IQCH: variants seen among roughly 807,000 people sequenced by gnomAD.
The protein encoded by IQCH is IQ domain-containing protein H.
In IQCH, 98 loss-of-function variants were observed where a neutral mutation model predicts 117.0. That is an observed-to-expected ratio of 0.84 (90% CI 0.71 to 0.99). The LOEUF is 0.99. Among genes scored for constraint, IQCH ranks in the 50% least tolerant of loss-of-function variants. IQCH has a pLI of 0.00. For missense variants in IQCH, 1,102 were observed against 1,243.8 expected (o/e 0.89, Z 1.72); for synonymous variants, 412 against 448.2 (o/e 0.92, Z 1.02).
rs985964759 is a variant in IQCH, at chr15:67,424,980, G to T, written c.2505+3403G>T. 4.6e-5 allele frequency among the ~76,000 whole-genome samples: 7 copies of T among 152,160 alleles called. No homozygotes were observed. Among genetic ancestry groups the T allele is most frequent in the Admixed American group, 4.6e-4 (7 of 15,280 alleles). ...AATTGACATGCCTTGTGATGCCATT[G>T]AAGCGACTGGCAGGCATATTATCAA... On this transcript the variant is annotated intron_variant, in intron 16 of 20. Transcript: ENST00000335894. The surrounding 1 kb of genome is among the most constrained non-coding windows in gnomAD (Gnocchi z 4.9).
chr15:67,397,645 A>G (rs1971514241), intron 13 of IQCH, among the ~76,000 whole-genome samples: 2 of 152,210 alleles, frequency 1.3e-5, no homozygotes, highest in African/African-American at 4.8e-5. Context: ...GGTGAAAGAA[A>G]GCTGCGATTA....
At chr15:67,265,781 C>G (rs2097166883) in intron 3 of IQCH, among the ~76,000 whole-genome samples, 1 of 152,190 alleles carries the variant, frequency 6.6e-6, no homozygotes, top group African/African-American at 2.4e-5. Context: ...ATAGACTTGG[C>G]TTCAGAGTCT....
At chr15:67,487,170 T>C (rs2083506443) in intron 18 of IQCH, among the ~76,000 whole-genome samples, 1 of 152,120 alleles carries the variant, frequency 6.6e-6, no homozygotes, top group South Asian at 2.1e-4. Flanking sequence ...TCATCTCTAC[T>C]AAAAATACAA....
rs894549599 is a variant in IQCH, at chr15:67,360,033, G to A, written c.753+148G>A. On this transcript the variant is annotated intron_variant, in intron 8 of 20. Coordinates refer to ENST00000335894, the MANE Select transcript of IQCH (RefSeq NM_001031715.3). ...TCCTTTGTAAAAGAAATTAGATCAT[G>A]GTTTCAGGAAAAAAAAAAAAACATG... 1.1e-5 allele frequency: 7 copies of A among 608,736 alleles called. No homozygotes were observed. In the South Asian group the frequency reaches 1.5e-4, roughly 13 times the overall value. The allele number at this position is 608,736 out of a possible 1,614,324, so 37.7% of individuals were successfully genotyped here.
At chr15:67,392,414 G>A (rs1346692290) in intron 12 of IQCH, among the ~76,000 whole-genome samples, 2 of 152,166 alleles carry the variant, frequency 1.3e-5, no homozygotes, top group Non-Finnish European at 2.9e-5. Context: ...CCTGCCAGGT[G>A]TTATCACTGG....
chr15:67,420,843 G>A (rs899382726), intron 15 of IQCH, among the ~76,000 whole-genome samples: 1 of 152,132 alleles, frequency 6.6e-6, no homozygotes, highest in African/African-American at 2.4e-5. Flanking sequence ...CCCACAAAAA[G>A]CCCAAACCTG....
At position 67,417,664 on chromosome 15, in the gene IQCH, T is replaced by G. The variant is rs1451668401; in HGVS notation, c.2218+613T>G. The stretch of plus-strand genomic sequence containing the variant: ...CTCATTTCCTAACAACATTGGGTGG[T>G]CTATGAATGAGGGAATGAATGGAGT... On this transcript the variant is annotated intron_variant, in intron 15 of 20. Transcript: ENST00000335894. This position sits in a 1 kb window ranked among gnomAD's most constrained non-coding sequence, Gnocchi z 4.3. Among the ~76,000 whole-genome samples the G allele has an allele frequency of 6.6e-6, 1 of 152,054 alleles. No homozygotes were observed. Among genetic ancestry groups the G allele is most frequent in the Non-Finnish European group, 1.5e-5 (1 of 68,006 alleles).
At position 67,450,800 on chromosome 15, in the gene IQCH, A is replaced by G. The variant is rs1166201714; in HGVS notation, c.2506-14327A>G. 3.9e-5 allele frequency among the ~76,000 whole-genome samples: 6 copies of G among 152,204 alleles called. No individual in the cohort carries two copies. In the East Asian group the frequency reaches 9.6e-4, roughly 24 times the overall value. ...TTGGAATAGTTTCAGAAGGAATGGT[A>G]CCAGCTCCTCTTTGTACCGCTGGTA... On this transcript the variant is annotated intron_variant, in intron 16 of 20. Coordinates refer to ENST00000335894, the MANE Select transcript of IQCH (RefSeq NM_001031715.3).
chr15:67,291,393 G>A (rs1482064862), intron 4 of IQCH, among the ~76,000 whole-genome samples: 1 of 151,982 alleles, frequency 6.6e-6, no homozygotes, highest in Non-Finnish European at 1.5e-5. Flanking sequence ...ACATTTTGAA[G>A]GGACTTCAAC....
rs144279594 is a variant in IQCH, at chr15:67,322,587, G to A, written c.388-14388G>A. On this transcript the variant is annotated intron_variant, in intron 4 of 20. Coordinates refer to ENST00000335894, the MANE Select transcript of IQCH (RefSeq NM_001031715.3). Reference sequence around the variant, plus strand: ...CGACATACACCCTGGGCCTTGCTCAGCCCTGGGCCCTGACGCTGGAGGTGC... The same window carrying A: ...CGACATACACCCTGGGCCTTGCTCAACCCTGGGCCCTGACGCTGGAGGTGC... Among the ~76,000 whole-genome samples, 207 of 152,258 alleles carry A rather than the reference G, an allele frequency of 1.4e-3. 1 individual carries two copies. The highest frequency in any genetic ancestry group is 4.9e-3 in the African/African-American group (202 of 41,560).
At chr15:67,354,452 C>A (rs1208636659) in intron 6 of IQCH, among the ~76,000 whole-genome samples, 1 of 152,064 alleles carries the variant, frequency 6.6e-6, no homozygotes, top group Non-Finnish European at 1.5e-5. Context: ...TTTTCTGAAC[C>A]TGATTGTTGT....
chr15:67,359,706 C>T lies in IQCH; in HGVS notation c.715-141C>T. ...GGAAAGGTCTTTCTAATTATTAGCT[C>T]CTGCCTGCGTGGAAAGAGAGAACAG... On this transcript the variant is annotated intron_variant, in intron 7 of 20. Transcript: ENST00000335894. This position sits in a 1 kb window ranked among gnomAD's most constrained non-coding sequence, Gnocchi z 4.5. 2 of 751,016 alleles carry T rather than the reference C, an allele frequency of 2.7e-6. No individual in the cohort carries two copies. The highest frequency in any genetic ancestry group is 2.4e-6 in the Non-Finnish European group (1 of 420,784). The allele number at this position is 751,016 out of a possible 1,614,324, so 46.5% of individuals were successfully genotyped here.
chr15:67,313,898 C>T (rs1967720294), intron 4 of IQCH, among the ~76,000 whole-genome samples: 1 of 152,168 alleles, frequency 6.6e-6, no homozygotes, highest in Admixed American at 6.5e-5. Context: ...CTCCCTTTGG[C>T]TATAAAGCAA....
chr15:67,489,194 C>T (rs62016057), intron 18 of IQCH, among the ~76,000 whole-genome samples: 23,033 of 150,534 alleles, frequency 0.15, 2,134 homozygotes, highest in African/African-American at 0.26. Flanking sequence ...CCACCACACC[C>T]GGCTAATTTT....
In IQCH at chr15:67,454,172, G is replaced by A. The variant is rs537294519; in HGVS notation, c.2506-10955G>A. On this transcript the variant is annotated intron_variant, in intron 16 of 20. Coordinates refer to ENST00000335894, the MANE Select transcript of IQCH (RefSeq NM_001031715.3). The surrounding 1 kb of genome is among the most constrained non-coding windows in gnomAD (Gnocchi z 5.2). Reference sequence around the variant, plus strand: ...GAAAGGGAATTCCCTGACCCCTTGCGCTTCCCAGGTGGGGCGATGCCTTGC... The same window carrying A: ...GAAAGGGAATTCCCTGACCCCTTGCACTTCCCAGGTGGGGCGATGCCTTGC... 9.8e-5 allele frequency among the ~76,000 whole-genome samples: 15 copies of A among 152,320 alleles called. No individual in the cohort carries two copies. Among genetic ancestry groups the A allele is most frequent in the African/African-American group, 3.1e-4 (13 of 41,572 alleles).
chr15:67,398,929 GTGAGTTAA>G (rs1409914689), intron 13 of IQCH, among the ~76,000 whole-genome samples: 1 of 152,120 alleles, frequency 6.6e-6, no homozygotes, highest in Non-Finnish European at 1.5e-5. Context: ...AAATCGTTTT[GTGAGTTAA>G]TGAGGTATTT....
Position 67,359,947 on chromosome 15 carries a change from C to A in IQCH, c.753+62C>A. The A allele has an allele frequency of 1.5e-6, 2 of 1,361,750 alleles. No individual in the cohort carries two copies. Among genetic ancestry groups the A allele is most frequent in the Non-Finnish European group, 2.1e-6 (2 of 950,338 alleles). The allele number at this position is 1,361,750 out of a possible 1,614,324, so 84.4% of individuals were successfully genotyped here. A position where few individuals can be genotyped will look rare whatever the true frequency, so the allele number is the denominator to read the frequency against. Reference sequence around the variant, plus strand: ...TGTCACCTGATGTCCCTTCCTTTTGCTGCAGGGCAAGAGTATGGGTGACTG... The same window carrying A: ...TGTCACCTGATGTCCCTTCCTTTTGATGCAGGGCAAGAGTATGGGTGACTG... On this transcript the variant is annotated intron_variant, in intron 8 of 20. Coordinates refer to ENST00000335894, the MANE Select transcript of IQCH (RefSeq NM_001031715.3). This position sits in a 1 kb window ranked among gnomAD's most constrained non-coding sequence, Gnocchi z 4.5.
chr15:67,423,613 G>GA (rs1030180364), intron 16 of IQCH, among the ~76,000 whole-genome samples: 6 of 148,784 alleles, frequency 4.0e-5, no homozygotes, highest in Non-Finnish European at 6.0e-5. Context: ...AGAAAGAAAA[G>GA]AAAAAAAGGC....
In IQCH at chr15:67,395,308, G is replaced by T; in HGVS notation, c.1650G>T (p.Leu550=). Residue 550 remains leucine (L), a synonymous_variant, in exon 13 of 21, where the codon CTG becomes CTT. Coordinates refer to ENST00000335894, the MANE Select transcript of IQCH (RefSeq NM_001031715.3). This position sits in a 1 kb window ranked among gnomAD's most constrained non-coding sequence, Gnocchi z 4.0. ...TCCCCCAGAAGCATCATATGTGCCT[G>T]GCCACTCACCTGATGTACAGTCCCA... ...VNIFPKHHMC[L]ATHLMYSPKA... is the part of the protein sequence containing the mutation. 6.2e-7 allele frequency: 1 copy of T among 1,613,078 alleles called. No homozygotes were observed. Among genetic ancestry groups the T allele is most frequent in the South Asian group, 1.1e-5 (1 of 91,038 alleles).
Sources: allele counts gnomAD v4.1 joint callset (sites outside exome capture counted in the v4.1 genomes callset), GRCh38; gene constraint gnomAD v4.1.1; non-coding constraint Gnocchi (gnomAD v3.1); transcripts MANE v1.5; gene names NCBI Gene and HGNC (gene_info 2026-07-23, HGNC 2026-07-21).